Variants in LANCL3 observed in about 807,000 individuals in gnomAD.
LANCL3 encodes LanC like family member 3.
LANCL3 carries 19 observed loss-of-function variants against 26.5 expected under a neutral mutation model. The observed-to-expected ratio is 0.72, with a 90% CI of 0.50 to 1.05. The LOEUF is 1.05. Ranked by LOEUF, LANCL3 falls within the 50% of genes least tolerant of loss-of-function variation. The pLI is 0.00. For missense variants in LANCL3, 318 were observed against 362.7 expected (o/e 0.88, Z 1.00); for synonymous variants, 160 against 166.6 (o/e 0.96, Z 0.30).
intron 1 of LANCL3, among the ~76,000 whole-genome samples, chrX:37,589,250 G>T (rs1327990142): frequency 8.9e-6 from 1 of 112,020 alleles, no homozygotes; most frequent in Non-Finnish European, 1.9e-5. Context: ...AAGCATGATG[G>T]TTAAGAACAG....
intron 2 of LANCL3, among the ~76,000 whole-genome samples, chrX:37,658,724 C>T (rs782304267): frequency 2.8e-4 from 31 of 111,933 alleles, no homozygotes; most frequent in Non-Finnish European, 4.9e-4. Context: ...CAAATCTGGC[C>T]GTTTCATTGG....
intron 1 of LANCL3, among the ~76,000 whole-genome samples, chrX:37,612,114 G>A (rs891661654): frequency 5.1e-4 from 56 of 110,094 alleles, no homozygotes; most frequent in African/African-American, 1.6e-3. Flanking sequence ...CTAATTTTTT[G>A]TATTTTTAGT....
chrX:37,632,908 T>C (rs1188956590), intron 1 of LANCL3, among the ~76,000 whole-genome samples: 7 of 111,467 alleles, frequency 6.3e-5, no homozygotes, highest in African/African-American at 2.0e-4. Flanking sequence ...ATTTCAACTT[T>C]GGTGAATCTG....
chrX:37,634,239 G>A (rs906010288), intron 1 of LANCL3, among the ~76,000 whole-genome samples: 3 of 112,780 alleles, frequency 2.7e-5, no homozygotes, highest in Non-Finnish European at 5.6e-5. Context: ...CTTCGAGACA[G>A]GTGCAGGATA....
At chrX:37,644,370 A>G (rs979364702) in intron 1 of LANCL3, among the ~76,000 whole-genome samples, 4 of 112,173 alleles carry the variant, frequency 3.6e-5, no homozygotes, top group Middle Eastern at 4.2e-3. Flanking sequence ...AGCTGTGGCC[A>G]GTGAATAGAT....
chrX:37,581,877 A>G (rs1474428115), intron 1 of LANCL3, among the ~76,000 whole-genome samples: 6 of 110,812 alleles, frequency 5.4e-5, no homozygotes, highest in African/African-American at 2.0e-4. Context: ...GGTGTGCTGC[A>G]CCCATTAACT....
In LANCL3 at chrX:37,683,526, T is replaced by C. The variant is rs782531404; in HGVS notation, c.*7713T>C. 1 of 112,228 alleles carries C rather than the reference T, an allele frequency of 8.9e-6. No homozygotes were observed. Among genetic ancestry groups the C allele is most frequent in the African/African-American group, 3.2e-5 (1 of 30,980 alleles). 9.2% of individuals were successfully genotyped at this position (112,228 alleles called of 1,213,427 possible). Reference sequence around the variant, plus strand: ...TTAGCACTAAATCAAACAGCACTTATCTGTTGTATACAAGTAAAATTTTGA... The same window carrying C: ...TTAGCACTAAATCAAACAGCACTTACCTGTTGTATACAAGTAAAATTTTGA... On this transcript the variant is annotated 3_prime_UTR_variant, in exon 5 of 5. Coordinates refer to ENST00000378619, the MANE Select transcript of LANCL3 (RefSeq NM_001170331.2).
At chrX:37,622,393 CT>C (rs35587679) in intron 1 of LANCL3, among the ~76,000 whole-genome samples, 28,480 of 101,050 alleles carry the variant, frequency 0.28, 4,376 homozygotes, top group African/African-American at 0.58. Flanking sequence ...CTATCAAATA[CT>C]TTTTTTTTTT....
At chrX:37,637,858 C>G (rs1925748446) in intron 1 of LANCL3, among the ~76,000 whole-genome samples, 1 of 108,876 alleles carries the variant, frequency 9.2e-6, no homozygotes, top group African/African-American at 3.4e-5. Context: ...TGGATCATTG[C>G]AGCCATCTTG....
intron 1 of LANCL3, among the ~76,000 whole-genome samples, chrX:37,606,473 G>A (rs150767691): frequency 1.2e-3 from 136 of 112,266 alleles, no homozygotes; most frequent in Middle Eastern, 4.6e-3. Context: ...GTGCTGCTAT[G>A]TTAACACATT....
intron 1 of LANCL3, among the ~76,000 whole-genome samples, chrX:37,577,914 A>C (rs782420381): frequency 8.9e-6 from 1 of 111,931 alleles, no homozygotes; most frequent in African/African-American, 3.2e-5. Flanking sequence ...GTAAATAACA[A>C]AATGCCCAAT....
Position 37,628,262 on chromosome X carries a change from G to A in LANCL3, c.574-27426G>A, listed in dbSNP as rs1034984890. On this transcript the variant is annotated intron_variant, in intron 1 of 4. Coordinates refer to ENST00000378619, the MANE Select transcript of LANCL3 (RefSeq NM_001170331.2). The stretch of plus-strand genomic sequence containing the variant: ...TTTGAGATTTTCCTGCCCCAAATGC[G>A]TAAGGTAACTTTAATCATGAGGAAC... 2.7e-5 allele frequency among the ~76,000 whole-genome samples: 3 copies of A among 110,990 alleles called. No individual in the cohort carries two copies. The East Asian group carries it at 8.5e-4, about 31-fold the overall frequency.
intron 1 of LANCL3, among the ~76,000 whole-genome samples, chrX:37,627,795 T>G (rs1182617440): frequency 1.8e-5 from 2 of 111,627 alleles, no homozygotes; most frequent in Non-Finnish European, 3.8e-5. Context: ...CCCATTAGCT[T>G]TATAACAGTG....
At chrX:37,628,678 A>G (rs1331033000) in intron 1 of LANCL3, among the ~76,000 whole-genome samples, 1 of 94,016 alleles carries the variant, frequency 1.1e-5, no homozygotes, top group Non-Finnish European at 2.0e-5. Context: ...ATTCCCACCT[A>G]TGAGTGAGAA....
At chrX:37,671,222 TTC>T (rs1926677243) in intron 4 of LANCL3, among the ~76,000 whole-genome samples, 1 of 111,215 alleles carries the variant, frequency 9.0e-6, no homozygotes, top group Non-Finnish European at 1.9e-5. Context: ...GTTACTTCCT[TTC>T]TCATGTGCAT....
At chrX:37,586,731 G>A (rs1172404403) in intron 1 of LANCL3, among the ~76,000 whole-genome samples, 1 of 111,744 alleles carries the variant, frequency 8.9e-6, no homozygotes, top group Non-Finnish European at 1.9e-5. Context: ...ACTTCTTTGC[G>A]ATGGGTTCAA....
intron 1 of LANCL3, among the ~76,000 whole-genome samples, chrX:37,615,211 T>C (rs966767050): frequency 9.0e-6 from 1 of 111,649 alleles, no homozygotes; most frequent in African/African-American, 3.3e-5. Context: ...CCCAGGGGAT[T>C]TTGTTAAAAT....
At chrX:37,579,241 T>C (rs1556416742) in intron 1 of LANCL3, among the ~76,000 whole-genome samples, 1 of 111,181 alleles carries the variant, frequency 9.0e-6, no homozygotes, top group Non-Finnish European at 1.9e-5. Context: ...ACATTTGGGT[T>C]GATTCCAGTT....
chrX:37,631,447 T>A (rs1199702815), intron 1 of LANCL3, among the ~76,000 whole-genome samples: 2 of 111,752 alleles, frequency 1.8e-5, no homozygotes, highest in East Asian at 5.6e-4. Flanking sequence ...GTGTCTCTAT[T>A]TCCTTCAGTT....
Sources: allele counts gnomAD v4.1 joint callset (sites outside exome capture counted in the v4.1 genomes callset), GRCh38; gene constraint gnomAD v4.1.1; transcripts MANE v1.5; gene names NCBI Gene and HGNC (gene_info 2026-07-23, HGNC 2026-07-21).